The following MARCHF1 variants were observed in gnomAD, a reference collection of about 807,000 sequenced individuals.
MARCHF1 encodes the protein membrane associated ring-CH-type finger 1.
MARCHF1 carries 40 observed loss-of-function variants against 54.2 expected under a neutral mutation model. That is an observed-to-expected ratio of 0.74 (90% CI 0.57 to 0.96). MARCHF1 has a LOEUF of 0.96. MARCHF1 is among the 40% of genes least tolerant of loss of function. The pLI, the probability that MARCHF1 is intolerant of heterozygous loss-of-function variation, is 0.00. For missense variants in MARCHF1, 586 were observed against 656.5 expected (o/e 0.89, Z 1.17); for synonymous variants, 236 against 236.3 (o/e 1.00, Z 0.01).
chr4:164,196,843 C>T (rs1157741417), intron 1 of MARCHF1, among the ~76,000 whole-genome samples: 1 of 152,102 alleles, frequency 6.6e-6, no homozygotes, highest in Non-Finnish European at 1.5e-5. Context: ...GTACACTTTT[C>T]CCGTCTCATT....
chr4:163,995,467 G>T (rs1753058120), intron 2 of MARCHF1, among the ~76,000 whole-genome samples: 1 of 151,900 alleles, frequency 6.6e-6, no homozygotes, highest in Non-Finnish European at 1.5e-5. Flanking sequence ...GGAGGGGTTG[G>T]GCTAAAAGTC....
At chr4:163,948,121 C>A (rs1217558403) in intron 3 of MARCHF1, among the ~76,000 whole-genome samples, 1 of 152,130 alleles carries the variant, frequency 6.6e-6, no homozygotes. Context: ...AATCTAAGTA[C>A]AGAACAAAGA....
At chr4:164,049,124 T>G (rs1224364294) in intron 2 of MARCHF1, among the ~76,000 whole-genome samples, 1 of 152,214 alleles carries the variant, frequency 6.6e-6, no homozygotes, top group Non-Finnish European at 1.5e-5. Context: ...TTAACTGACT[T>G]ACAGTTCTGC....
At chr4:163,704,099 GTTTT>G (rs912346239) in intron 4 of MARCHF1, among the ~76,000 whole-genome samples, 4 of 146,514 alleles carry the variant, frequency 2.7e-5, no homozygotes, top group Non-Finnish European at 6.0e-5. Context: ...GCTTAAAAAA[GTTTT>G]TTTTTAATGT....
intron 3 of MARCHF1, among the ~76,000 whole-genome samples, chr4:163,986,004 G>A (rs1473200992): frequency 6.6e-6 from 1 of 151,624 alleles, no homozygotes; most frequent in Non-Finnish European, 1.5e-5. Flanking sequence ...CACTTTAAAG[G>A]CATTTACAAT....
chr4:163,692,045 C>G (rs1744474375), intron 5 of MARCHF1, among the ~76,000 whole-genome samples: 1 of 152,184 alleles, frequency 6.6e-6, no homozygotes, highest in Non-Finnish European at 1.5e-5. Context: ...CCTACGGGAT[C>G]AGGAAGCTTG....
At chr4:164,250,289 A>C (rs1397249423) in intron 1 of MARCHF1, among the ~76,000 whole-genome samples, 1 of 152,114 alleles carries the variant, frequency 6.6e-6, no homozygotes, top group East Asian at 1.9e-4. Flanking sequence ...AAGAAAATAG[A>C]AGGCAACAAT....
chr4:163,901,432 C>G (rs1344235892), intron 3 of MARCHF1, among the ~76,000 whole-genome samples: 1 of 152,130 alleles, frequency 6.6e-6, no homozygotes, highest in South Asian at 2.1e-4. Flanking sequence ...AACACTTTGT[C>G]ACCTGTCTTA....
At chr4:163,604,659 G>A (rs1316240825) in intron 7 of MARCHF1, among the ~76,000 whole-genome samples, 6 of 152,040 alleles carry the variant, frequency 3.9e-5, no homozygotes, top group Non-Finnish European at 8.8e-5. Context: ...TTTGTTGTTA[G>A]AACAAAGTCC....
At chr4:164,297,813 C>A (rs1487348841) in intron 1 of MARCHF1, among the ~76,000 whole-genome samples, 2 of 151,888 alleles carry the variant, frequency 1.3e-5, no homozygotes, top group African/African-American at 4.8e-5. Flanking sequence ...TAAAACTATT[C>A]AAAAATAAAG....
chr4:164,185,748 AC>A (rs1469783333), intron 1 of MARCHF1, among the ~76,000 whole-genome samples: 1 of 152,120 alleles, frequency 6.6e-6, no homozygotes, highest in Non-Finnish European at 1.5e-5. Context: ...AAAAGTAAAC[AC>A]TAAAATTGCT....
At chr4:164,335,438 T>C (rs1401629664) in intron 1 of MARCHF1, among the ~76,000 whole-genome samples, 5 of 152,116 alleles carry the variant, frequency 3.3e-5, no homozygotes, top group African/African-American at 9.7e-5. Context: ...AAAAATTAAC[T>C]GGGCGTGGTG....
chr4:163,721,471 G>C (rs958228948), intron 4 of MARCHF1, among the ~76,000 whole-genome samples: 1 of 152,130 alleles, frequency 6.6e-6, no homozygotes, highest in Non-Finnish European at 1.5e-5. Flanking sequence ...GTTCATCAGG[G>C]ATGTTGGTCT....
At chr4:164,022,109 G>T (rs1288085973) in intron 2 of MARCHF1, among the ~76,000 whole-genome samples, 1 of 151,834 alleles carries the variant, frequency 6.6e-6, no homozygotes, top group South Asian at 2.1e-4. Flanking sequence ...ACAATATATT[G>T]TCATTATTTT....
At chr4:163,623,169 C>T (rs877210) in intron 5 of MARCHF1, among the ~76,000 whole-genome samples, 87,186 of 152,010 alleles carry the variant, frequency 0.57, 26,358 homozygotes, top group African/African-American at 0.79. Flanking sequence ...TTGTTGGCAG[C>T]GCAGACTGAA....
chr4:164,175,936 T>C (rs1452176615), intron 1 of MARCHF1, among the ~76,000 whole-genome samples: 2 of 152,206 alleles, frequency 1.3e-5, no homozygotes, highest in Non-Finnish European at 2.9e-5. Flanking sequence ...AAATTGTTTC[T>C]ATTTGGACCT....
At chr4:164,285,478 T>C (rs1300833069) in intron 1 of MARCHF1, among the ~76,000 whole-genome samples, 2 of 152,062 alleles carry the variant, frequency 1.3e-5, no homozygotes, top group African/African-American at 4.8e-5. Flanking sequence ...AGTTTCGCTC[T>C]GTCGCCCAGG....
chr4:163,994,704 G>A (rs1294244896), intron 2 of MARCHF1, among the ~76,000 whole-genome samples: 2 of 144,616 alleles, frequency 1.4e-5, no homozygotes, highest in African/African-American at 5.1e-5. Context: ...TTCAAGCAAA[G>A]GAGTCCTGGA....
At chr4:164,374,972 G>A (rs533704664) in intron 1 of MARCHF1, among the ~76,000 whole-genome samples, 71 of 152,230 alleles carry the variant, frequency 4.7e-4, no homozygotes, top group African/African-American at 1.6e-3. Context: ...CCTGGGACCT[G>A]ACTTTGGGTT....
Sources: gnomAD v4.1 joint callset for allele counts (sites outside exome capture counted in the v4.1 genomes callset) on GRCh38, gnomAD v4.1.1 for gene constraint, MANE v1.5 for transcripts, NCBI Gene and HGNC (gene_info 2026-07-23, HGNC 2026-07-21) for gene names.